The following RASSF5 variants were observed in gnomAD, a reference collection of about 807,000 sequenced individuals.
The protein encoded by RASSF5 is Ras association domain family member 5.
A neutral mutation model predicts 40.5 loss-of-function variants in RASSF5; 25 were observed. The ratio of observed to expected loss-of-function variants is 0.62; its 90% confidence interval spans 0.45 to 0.86. RASSF5 has a LOEUF of 0.86. RASSF5 is among the 40% of genes least tolerant of loss of function. The pLI is 0.00. For synonymous variants in RASSF5, 246 were observed against 252.4 expected (o/e 0.97, Z 0.24); for missense variants, 521 against 572.8 (o/e 0.91, Z 0.92).
chr1:206,585,362 TC>T (rs1553407414), intron 5 of RASSF5, 67 bp downstream of exon 5: 2 of 1,147,512 alleles, frequency 1.7e-6, no homozygotes, highest in Non-Finnish European at 2.6e-6. Flanking sequence ...GTGGGTGTTG[TC>T]CTAACTACCT....
rs1553407044 is a variant in RASSF5 at position 206,584,406 on chromosome 1, C to T, written c.710C>T (p.Thr237Met). ...GMKLSEDGTY[T>M]GFIKVHLKLR... ...TGGCAGAGTGAAGACGGCACCTACACGGGTTTCATCAAAGTGCATCTGAAA... is the reference window on the plus strand; with the variant it reads ...TGGCAGAGTGAAGACGGCACCTACATGGGTTTCATCAAAGTGCATCTGAAA... The change falls in exon 4 of 6, where the codon ACG becomes ATG. Residue 237 changes from threonine (T) to methionine (M), a missense_variant. By Grantham distance (81) the Thr-to-Met change is moderately conservative. Coordinates refer to ENST00000579436, the MANE Select transcript of RASSF5 (RefSeq NM_182663.4). This position sits in a 1 kb window ranked among gnomAD's most constrained non-coding sequence, Gnocchi z 4.9. 4 of 1,613,170 alleles carry T rather than the reference C, an allele frequency of 2.5e-6. No individual in the cohort carries two copies. Among genetic ancestry groups the T allele is most frequent in the African/African-American group, 1.3e-5 (1 of 74,928 alleles).
chr1:206,507,880 G>C lies in RASSF5; in HGVS notation c.278G>C (p.Arg93Pro). 1 of 1,494,684 alleles carries C rather than the reference G, an allele frequency of 6.7e-7. No individual in the cohort carries two copies. The highest frequency in any genetic ancestry group is 8.9e-7 in the Non-Finnish European group (1 of 1,129,040). The allele number at this position is 1,494,684 out of a possible 1,614,324, so 92.6% of individuals were successfully genotyped here. A position where few individuals can be genotyped will look rare whatever the true frequency, so the allele number is the denominator to read the frequency against. ...LRPGLQQRLR[R>P]RPGAPRPRDV... is the part of the protein sequence containing the mutation. ...CCTGGTCTGCAGCAGAGACTGCGGC[G>C]GCGGCCTGGAGCGCCCCGACCCCGC... The change falls in exon 1 of 6, where the codon CGG becomes CCG. Residue 93 changes from arginine to proline, a missense_variant. By Grantham distance (103) the Arg-to-Pro change is moderately radical. Coordinates refer to ENST00000579436, the MANE Select transcript of RASSF5 (RefSeq NM_182663.4).
chr1:206,574,125 G>A (rs1668549472), intron 2 of RASSF5, among the ~76,000 whole-genome samples: 1 of 152,236 alleles, frequency 6.6e-6, no homozygotes. Context: ...ACTGTTCCCT[G>A]GTATAACCCA....
chr1:206,550,643 C>T (rs186790809), intron 2 of RASSF5, among the ~76,000 whole-genome samples: 88 of 152,260 alleles, frequency 5.8e-4, no homozygotes, highest in African/African-American at 1.8e-3. Flanking sequence ...GAGCATGAAC[C>T]TTGTTTGTTT....
At position 206,557,238 on chromosome 1, in the gene RASSF5, C is replaced by T. The variant is rs1553401878; in HGVS notation, c.579+18945C>T. ...GCGGAGATGGCGCTCTGCACGGCGG[C>T]GGAGGGAGGGCGCTGGCGCCGGGGA... On this transcript the variant is annotated intron_variant, in intron 2 of 5. Coordinates refer to ENST00000579436, the MANE Select transcript of RASSF5 (RefSeq NM_182663.4). 5 of 1,103,700 alleles carry T rather than the reference C, an allele frequency of 4.5e-6. No individual in the cohort carries two copies. The African/African-American group carries it at 8.3e-5, about 18-fold the overall frequency. 68.4% of individuals were successfully genotyped at this position (1,103,700 alleles called of 1,614,324 possible).
intron 2 of RASSF5, among the ~76,000 whole-genome samples, chr1:206,567,695 A>G (rs1192857589): frequency 6.6e-6 from 1 of 152,160 alleles, no homozygotes; most frequent in Non-Finnish European, 1.5e-5. Context: ...GGTAGGGCTC[A>G]TGACTGGGGT....
At chr1:206,533,272 C>T (rs1403495327) in intron 1 of RASSF5, among the ~76,000 whole-genome samples, 3 of 152,140 alleles carry the variant, frequency 2.0e-5, no homozygotes, top group African/African-American at 2.4e-5. Flanking sequence ...GTAGGCAGGC[C>T]GTCTTGGCTT....
chr1:206,507,928 A>C lies in RASSF5; in HGVS notation c.326A>C (p.Gln109Pro). 1 of 1,519,742 alleles carries C rather than the reference A, an allele frequency of 6.6e-7. No homozygotes were observed. Among genetic ancestry groups the C allele is most frequent in the Non-Finnish European group, 8.8e-7 (1 of 1,141,648 alleles). The allele number at this position is 1,519,742 out of a possible 1,614,324, so 94.1% of individuals were successfully genotyped here. Residue 109 changes from glutamine to proline, a missense_variant, in exon 1 of 6, where the codon CAG (glutamine) becomes CCG (proline). Gln to Pro is a moderately conservative substitution (Grantham distance 76, BLOSUM62 -1). Coordinates refer to ENST00000579436, the MANE Select transcript of RASSF5 (RefSeq NM_182663.4). ...CGCGACGTGCGGAGCATCTTCGAGC[A>C]GCCGCAGGATCCCAGAGTCCCGGCG... The part of the protein sequence containing the change: ...RPRDVRSIFE[Q>P]PQDPRVPAER...
At position 206,585,272 on chromosome 1, in the gene RASSF5, G is replaced by A; in HGVS notation, c.1081G>A (p.Glu361Lys). The A allele has an allele frequency of 6.2e-7, 1 of 1,614,156 alleles. No individual in the cohort carries two copies. ...DTEVLSFVLKENETGEVEWDA... is the reference protein window; with the variant it reads ...DTEVLSFVLKKNETGEVEWDA... ...GGAGGTCCTCAGCTTTGTGCTAAAG[G>A]AGAATGAAACTGGAGAGGTAGAGGT... The change falls in exon 5 of 6, where the codon GAG becomes AAG. Residue 361 changes from glutamate (E) to lysine (K), a missense_variant. Glu to Lys is a moderately conservative substitution (Grantham distance 56). Transcript: ENST00000579436.
rs1666814753 is a variant in RASSF5, at chr1:206,518,334, C to A, written c.457+10275C>A. 1.0e-5 allele frequency: 4 copies of A among 397,852 alleles called. No homozygotes were observed. The South Asian group carries it at 5.2e-4, about 52-fold the overall frequency. The allele number at this position is 397,852 out of a possible 1,614,324, so 24.6% of individuals were successfully genotyped here. On this transcript the variant is annotated intron_variant, in intron 1 of 5. Transcript: ENST00000579436. ...CTCCCCGGAGCCCTCCCCCACCCGG[C>A]ACTCCACCCCTGACGCCAAGCCTGG...
At position 206,584,678 on chromosome 1, in the gene RASSF5, G is replaced by A. The variant is rs144913020; in HGVS notation, c.982G>A (p.Gly328Arg). The change falls in exon 4 of 6, where the codon GGA becomes AGA. Residue 328 changes from glycine (G) to arginine (R), a missense_variant. Physicochemically the swap from Gly to Arg is moderately radical, Grantham distance 125. Transcript: ENST00000579436. The surrounding 1 kb of genome is among the most constrained non-coding windows in gnomAD (Gnocchi z 4.9). Reference sequence around the variant, plus strand: ...ACTTTTTAAGCGGATACACAAGGACGGACAAGGTAGGAGAAAGAGTGAACC... The same window carrying A: ...ACTTTTTAAGCGGATACACAAGGACAGACAAGGTAGGAGAAAGAGTGAACC... Reference protein sequence around the residue: ...FALFKRIHKDGQVLFQKLSIA... With the variant: ...FALFKRIHKDRQVLFQKLSIA... The A allele has an allele frequency of 2.9e-5, 46 of 1,614,010 alleles. No individual in the cohort carries two copies. The highest frequency in any genetic ancestry group is 1.9e-4 in the African/African-American group (14 of 74,900).
chr1:206,526,268 C>CTGTGTGTGTGTGTGTGTGTG (rs1553397177), intron 1 of RASSF5, among the ~76,000 whole-genome samples: 1 of 23,620 alleles, frequency 4.2e-5, no homozygotes, highest in Admixed American at 5.0e-4. Context: ...TGCTTTCTGG[C>CTGTGTGTGTGTGTGTGTGTG]AGTGTGTGTG....
chr1:206,545,341 T>C (rs1667653361), intron 2 of RASSF5, among the ~76,000 whole-genome samples: 1 of 115,760 alleles, frequency 8.6e-6, no homozygotes, highest in South Asian at 3.3e-4. Context: ...TAGGAATTTC[T>C]TGTGTTTTTT....
intron 1 of RASSF5, among the ~76,000 whole-genome samples, chr1:206,527,220 C>CTGTGTGG (rs1553397342): frequency 5.9e-5 from 9 of 152,194 alleles, no homozygotes; most frequent in African/African-American, 2.2e-4. Context: ...TTCAAGGGAT[C>CTGTGTGG]ACACCATCTG....
chr1:206,582,545 CAGA>C (rs1481176611), intron 2 of RASSF5, among the ~76,000 whole-genome samples: 7 of 152,334 alleles, frequency 4.6e-5, no homozygotes, highest in Non-Finnish European at 1.0e-4. Context: ...GTACTTGGCA[CAGA>C]AGAAGTGCTA....
chr1:206,588,431 A>C lies in RASSF5; in HGVS notation c.*1453A>C, dbSNP rs1037930758. 6 of 152,376 alleles carry C rather than the reference A, an allele frequency of 3.9e-5. No individual in the cohort carries two copies. Among genetic ancestry groups the C allele is most frequent in the African/African-American group, 1.2e-4 (5 of 41,460 alleles). The allele number at this position is 152,376 out of a possible 1,614,324, so 9.4% of individuals were successfully genotyped here. ...AGTCAAAAAATTCCAACAAGTAGCCAGGACTGCAGAGACACTCCAGTGCAG... is the reference window on the plus strand; with the variant it reads ...AGTCAAAAAATTCCAACAAGTAGCCCGGACTGCAGAGACACTCCAGTGCAG... On this transcript the variant is annotated 3_prime_UTR_variant, in exon 6 of 6. Coordinates refer to ENST00000579436, the MANE Select transcript of RASSF5 (RefSeq NM_182663.4).
At chr1:206,527,532 G>A (rs1339668280) in intron 1 of RASSF5, among the ~76,000 whole-genome samples, 4 of 152,108 alleles carry the variant, frequency 2.6e-5, no homozygotes, top group African/African-American at 9.7e-5. Context: ...CATGGATGGA[G>A]GACCAATTCA....
chr1:206,521,650 G>C (rs1394918511), intron 1 of RASSF5, among the ~76,000 whole-genome samples: 1 of 152,208 alleles, frequency 6.6e-6, no homozygotes, highest in African/African-American at 2.4e-5. Context: ...AGGCTAGGCT[G>C]CCCTTTGCCC....
chr1:206,532,320 C>T (rs1353078217), intron 1 of RASSF5, among the ~76,000 whole-genome samples: 2 of 152,170 alleles, frequency 1.3e-5, no homozygotes, highest in Non-Finnish European at 2.9e-5. Flanking sequence ...ACATCAGGAA[C>T]CCCATTTAAT....
Sources: allele counts gnomAD v4.1 joint callset (sites outside exome capture counted in the v4.1 genomes callset), GRCh38; gene constraint gnomAD v4.1.1; non-coding constraint Gnocchi (gnomAD v3.1); transcripts MANE v1.5; gene names NCBI Gene and HGNC (gene_info 2026-07-23, HGNC 2026-07-21).